Variants in TET2 observed in about 807,000 individuals in gnomAD.
The protein encoded by TET2 is methylcytosine dioxygenase TET2.
In TET2, 299 loss-of-function variants were observed where a neutral mutation model predicts 142.9. The ratio of observed to expected loss-of-function variants is 2.09; its 90% CI spans 1.90 to 2.30. TET2 has a LOEUF of 2.30. Ranked by LOEUF, TET2 falls within the 30% of genes most tolerant of loss-of-function variation. The pLI is 0.00. For missense variants in TET2, 2,418 were observed against 2,378.0 expected, an observed-to-expected ratio of 1.02 and a Z score of -0.35; for synonymous variants, 819 against 849.0, an observed-to-expected ratio of 0.96 and a Z score of 0.61.
chr4:105,217,882 G>A (rs915500725), intron 2 of TET2, among the ~76,000 whole-genome samples: 46 of 151,934 alleles, frequency 3.0e-4, no homozygotes, highest in Admixed American at 2.8e-3. Flanking sequence ...AAAGAGACAT[G>A]GTAGAGACAT....
intron 2 of TET2, among the ~76,000 whole-genome samples, chr4:105,231,356 C>T (rs1377777608): frequency 1.3e-5 from 2 of 151,998 alleles, no homozygotes; most frequent in Non-Finnish European, 2.9e-5. Flanking sequence ...TGTTTTTGTA[C>T]TTATATATTA....
chr4:105,223,747 C>A (rs1289847403), intron 2 of TET2, among the ~76,000 whole-genome samples: 1 of 152,110 alleles, frequency 6.6e-6, no homozygotes, highest in Non-Finnish European at 1.5e-5. Flanking sequence ...CATCTTTACT[C>A]AGTGTTTTTC....
intron 6 of TET2, among the ~76,000 whole-genome samples, chr4:105,256,330 G>C (rs142600248): frequency 0.016 from 2,393 of 152,174 alleles, 29 homozygotes; most frequent in Middle Eastern, 0.027. Context: ...ATTTATCAGA[G>C]AATGTCCTAA....
intron 2 of TET2, among the ~76,000 whole-genome samples, chr4:105,196,734 C>T (rs754589027): frequency 1.3e-5 from 2 of 152,190 alleles, no homozygotes; most frequent in African/African-American, 2.4e-5. Flanking sequence ...AAACATCCTA[C>T]TTACTGTAGT....
Position 105,279,047 on chromosome 4 carries a change from T to A in TET2, c.*2528T>A, listed in dbSNP as rs1731343896. 1 of 232,810 alleles carries A rather than the reference T, an allele frequency of 4.3e-6. No homozygotes were observed. The highest frequency in any genetic ancestry group is 5.6e-5 in the Admixed American group (1 of 17,772). 14.4% of individuals were successfully genotyped at this position (232,810 alleles called of 1,614,324 possible). A position where few individuals can be genotyped will look rare whatever the true frequency, so the allele number is the denominator to read the frequency against. On this transcript the variant is annotated 3_prime_UTR_variant, in exon 11 of 11. Transcript: ENST00000380013. ...TCAAATCTTTGTAAGCTGGCTTTTG[T>A]CTTTTTAAAAAATTTCTTGAATTTG...
Position 105,269,710 on chromosome 4 carries a change from A to T in TET2, c.4145A>T (p.His1382Leu), listed in dbSNP as rs1131691943. 6.4e-7 allele frequency: 1 copy of T among 1,551,698 alleles called. No individual in the cohort carries two copies. The highest frequency in any genetic ancestry group is 8.7e-7 in the Non-Finnish European group (1 of 1,146,948). ...TACLDFCAHA[H>L]RDLHNMQNGS... is the part of the protein sequence containing the mutation. ...TGTTTGGACTTCTGTGCTCATGCCC[A>T]CAGAGACTTGCACAACATGCAGAAT... The change falls in exon 9 of 11, where the codon CAC becomes CTC. Residue 1382 changes from histidine to leucine, a missense_variant. Transcript: ENST00000380013.
rs369154097 is a variant in TET2 at position 105,188,380 on chromosome 4, A to G, written c.-192-1980A>G. Among the ~76,000 whole-genome samples the G allele has an allele frequency of 2.0e-5, 3 of 152,294 alleles. 1 individual carries two copies. The highest frequency in any genetic ancestry group is 7.2e-5 in the African/African-American group (3 of 41,558). ...GGGCTGGGAGGAGGAGCAAATGGGA[A>G]GTTATTGTTTAATGAGTATAGAATT... is the stretch of plus-strand genomic sequence containing the variant. On this transcript the variant is annotated intron_variant, in intron 1 of 10. Coordinates refer to ENST00000380013, the MANE Select transcript of TET2 (RefSeq NM_001127208.3).
chr4:105,226,339 T>C (rs1370785215), intron 2 of TET2, among the ~76,000 whole-genome samples: 1 of 152,218 alleles, frequency 6.6e-6, no homozygotes, highest in Non-Finnish European at 1.5e-5. Context: ...GAAATGTTTA[T>C]ACATTGTTAG....
intron 2 of TET2, chr4:105,202,389 A>G (rs1049990100): frequency 7.9e-5 from 12 of 152,174 alleles, no homozygotes; most frequent in Admixed American, 3.3e-4. Context: ...TGACTGCTGT[A>G]AAGTGAAGCA....
At chr4:105,269,858 C>T in intron 9 of TET2, 111 bp downstream of exon 9, 1 of 1,308,184 alleles carries the variant, frequency 7.6e-7, no homozygotes, top group Non-Finnish European at 1.1e-6. Flanking sequence ...AATTGACTCA[C>T]AGTTCCACAT....
At chr4:105,246,377 C>T (rs536654321) in intron 6 of TET2, among the ~76,000 whole-genome samples, 2 of 152,310 alleles carry the variant, frequency 1.3e-5, no homozygotes, top group South Asian at 2.1e-4. Context: ...TTTAACTGCT[C>T]TAAATGTCAG....
At position 105,235,768 on chromosome 4, in the gene TET2, C is replaced by G. The variant is rs780565031; in HGVS notation, c.1826C>G (p.Ser609Cys). The change falls in exon 3 of 11, where the codon TCC becomes TGC. Residue 609 changes from serine (S) to cysteine (C), a missense_variant. By Grantham distance (112) the Ser-to-Cys change is moderately radical. Transcript: ENST00000380013. ...ACCTCCAAACAATACACTGGAAATTCCAACATGCCTGGGGGGCTCCCAAGG... is the reference window on the plus strand; with the variant it reads ...ACCTCCAAACAATACACTGGAAATTGCAACATGCCTGGGGGGCTCCCAAGG... Reference protein sequence around the residue: ...QMTSKQYTGNSNMPGGLPRQA... With the variant: ...QMTSKQYTGNCNMPGGLPRQA... 5 of 1,614,126 alleles carry G rather than the reference C, an allele frequency of 3.1e-6. No individual in the cohort carries two copies. The East Asian group carries it at 1.1e-4, about 36-fold the overall frequency.
chr4:105,207,344 A>G (rs953302161), intron 2 of TET2, among the ~76,000 whole-genome samples: 1 of 152,228 alleles, frequency 6.6e-6, no homozygotes, highest in Non-Finnish European at 1.5e-5. Context: ...GTACAAAGGG[A>G]GACTAAAGTG....
chr4:105,174,415 CACA>C lies in TET2; in HGVS notation c.-192-15940_-192-15938del, dbSNP rs558676098. ...AACAAAACAAAAAACTCTTTAAAAA[CACA>C]ACAAGTAAAAAGCTGAATGAATTGG... is the stretch of plus-strand genomic sequence containing the variant. On this transcript the variant is annotated intron_variant, in intron 1 of 10. Coordinates refer to ENST00000380013, the MANE Select transcript of TET2 (RefSeq NM_001127208.3). 1.1e-4 allele frequency among the ~76,000 whole-genome samples: 17 copies of C among 152,212 alleles called. 1 individual carries two copies. The South Asian group carries it at 1.9e-3, about 17-fold the overall frequency.
At position 105,199,920 on chromosome 4, in the gene TET2, G is replaced by GT. The variant is rs34853642; in HGVS notation, c.-47+9424dup. On this transcript the variant is annotated intron_variant, in intron 2 of 10. Transcript: ENST00000380013. The stretch of plus-strand genomic sequence containing the variant: ...TATTCCATGGTGTATATATAACACA[G>GT]TTTTTTTTTATCCAGTCTATTATTG... Among the ~76,000 whole-genome samples the GT allele has an allele frequency of 2.2e-3, 333 of 151,726 alleles. 1 individual carries two copies. The highest frequency in any genetic ancestry group is 7.7e-3 in the African/African-American group (317 of 41,382).
At chr4:105,203,972 G>A (rs901198960) in intron 2 of TET2, among the ~76,000 whole-genome samples, 20 of 151,922 alleles carry the variant, frequency 1.3e-4, no homozygotes, top group Non-Finnish European at 2.5e-4. Flanking sequence ...AGGCCAAGGC[G>A]GGTAGATTAC....
chr4:105,218,520 T>C (rs951114974), intron 2 of TET2, among the ~76,000 whole-genome samples: 1 of 152,152 alleles, frequency 6.6e-6, no homozygotes, highest in Non-Finnish European at 1.5e-5. Context: ...AGTTATTTAA[T>C]TGAAGCCCCA....
At chr4:105,240,527 T>A in intron 3 of TET2, 1 of 1,078,810 alleles carries the variant, frequency 9.3e-7, no homozygotes, top group Non-Finnish European at 1.1e-6. Context: ...TGCCATGTTT[T>A]CCCTCTTGCA....
At chr4:105,194,633 G>A (rs753697521) in intron 2 of TET2, among the ~76,000 whole-genome samples, 1 of 152,100 alleles carries the variant, frequency 6.6e-6, no homozygotes, top group Non-Finnish European at 1.5e-5. Context: ...GTTCTAGCAA[G>A]CCTGAGCAGT....
Sources: gnomAD v4.1 joint callset for allele counts (sites outside exome capture counted in the v4.1 genomes callset) on GRCh38, gnomAD v4.1.1 for gene constraint, MANE v1.5 for transcripts, NCBI Gene and HGNC (gene_info 2026-07-23, HGNC 2026-07-21) for gene names.